Variants in KICS2 observed in about 807,000 individuals in gnomAD.
The protein encoded by KICS2 is KICSTOR subunit 2, also known as KICSTOR complex protein C12orf66.
In KICS2, 13 loss-of-function variants were observed where a neutral mutation model predicts 31.4. The observed-to-expected ratio is 0.41, with a 90% CI of 0.27 to 0.66. The LOEUF (loss-of-function observed/expected upper bound fraction) is 0.66, where lower values mean the gene tolerates loss of function less well. Ranked by LOEUF, KICS2 falls within the 30% of genes least tolerant of loss-of-function variation. The pLI, the probability that KICS2 is intolerant of heterozygous loss-of-function variation, is 0.28. For missense variants in KICS2, 455 were observed against 545.4 expected, an observed-to-expected ratio of 0.83 and a Z score of 1.65; for synonymous variants, 209 against 214.8, an observed-to-expected ratio of 0.97 and a Z score of 0.24.
At chr12:64,190,670 G>C (rs1482181797), downstream of KICS2, among the ~76,000 whole-genome samples, 1 of 151,794 alleles carries the variant, frequency 6.6e-6, no homozygotes, top group Non-Finnish European at 1.5e-5. Context: ...GGACTGTTGA[G>C]CCTAGGAGTT....
In KICS2 at chr12:64,194,427, A is replaced by T; in HGVS notation, c.753T>A (p.Pro251=). 6.2e-7 allele frequency: 1 copy of T among 1,614,198 alleles called. No homozygotes were observed. The highest frequency in any genetic ancestry group is 8.5e-7 in the Non-Finnish European group (1 of 1,180,032). ...TCATCAGCCAAAGGAAAAGGTGTGG[A>T]GGCTGCACGGCCTTCTGAGACTGCC... ...FGGQSQKAVQ[P]PHLFLWLMKL... Residue 251 remains proline (P), a synonymous_variant, in exon 3 of 3, where the codon CCT becomes CCA. Transcript: ENST00000398055.
intron 2 of KICS2, among the ~76,000 whole-genome samples, chr12:64,194,942 T>TA (rs1030771334): frequency 6.6e-6 from 1 of 151,914 alleles, no homozygotes; most frequent in African/African-American, 2.4e-5. Context: ...ATTCATTTTT[T>TA]TTTTTTTATT....
intron 2 of KICS2, among the ~76,000 whole-genome samples, chr12:64,196,262 C>A (rs1172476807): frequency 6.8e-6 from 1 of 146,560 alleles, no homozygotes. Context: ...TGAGAACCGG[C>A]AGACTGCCTC....
At chr12:64,187,621 G>C, downstream of KICS2, 1 of 1,535,484 alleles carries the variant, frequency 6.5e-7, no homozygotes, top group Non-Finnish European at 8.7e-7. Context: ...TCAGGCAAAA[G>C]GCCACGAAAT....
At chr12:64,216,012 T>A (rs777344394) in intron 1 of KICS2, 49 bp from the exon 2 acceptor site, 2 of 1,512,238 alleles carry the variant, frequency 1.3e-6, no homozygotes, top group South Asian at 2.5e-5. Context: ...GGAGAAACCG[T>A]AAGTACCAAA....
intron 2 of KICS2, among the ~76,000 whole-genome samples, chr12:64,195,877 A>G (rs1442431856): frequency 6.6e-6 from 1 of 152,254 alleles, no homozygotes; most frequent in African/African-American, 2.4e-5. Flanking sequence ...CCACCCGAAT[A>G]CTGCGCTTTT....
downstream of KICS2, chr12:64,191,022 T>C (rs974466223): frequency 6.6e-6 from 1 of 152,214 alleles, no homozygotes; most frequent in Admixed American, 6.5e-5. Flanking sequence ...CAGTTACCCA[T>C]AAAAACTTAT....
At chr12:64,202,411 A>G (rs1410431367) in intron 2 of KICS2, among the ~76,000 whole-genome samples, 1 of 152,032 alleles carries the variant, frequency 6.6e-6, no homozygotes, top group Non-Finnish European at 1.5e-5. Context: ...AAAAAAAAAA[A>G]GTTTTTGACT....
Position 64,193,252 on chromosome 12 carries a change from G to A in KICS2, c.*590C>T, listed in dbSNP as rs368954919. The A allele has an allele frequency of 3.7e-4, 362 of 985,730 alleles. No individual in the cohort carries two copies. The highest frequency in any genetic ancestry group is 1.6e-3 in the Middle Eastern group (3 of 1,914). The allele number at this position is 985,730 out of a possible 1,614,324, so 61.1% of individuals were successfully genotyped here. A position where few individuals can be genotyped will look rare whatever the true frequency, so the allele number is the denominator to read the frequency against. On this transcript the variant is annotated 3_prime_UTR_variant, in exon 3 of 3. Coordinates refer to ENST00000398055, the MANE Select transcript of KICS2 (RefSeq NM_152440.5). ...ATCTTCTGAACTGTTAAAACCTTAC[G>A]TCATGCTACCAATCTGACTCACTTT...
chr12:64,216,000 A>C lies in KICS2; in HGVS notation c.236-37T>G, dbSNP rs200741100. 1.5e-5 allele frequency: 24 copies of C among 1,567,118 alleles called. No homozygotes were observed. In the Admixed American group the frequency reaches 4.2e-4, roughly 27 times the overall value. ...ACAACATAAGCACATGACAAGTAAG[A>C]AGGAGAAACCGTAAGTACCAAACAC... On this transcript the variant is annotated intron_variant, in intron 1 of 2. Coordinates refer to ENST00000398055, the MANE Select transcript of KICS2 (RefSeq NM_152440.5).
chr12:64,217,930 A>C (rs2037645322), intron 1 of KICS2, among the ~76,000 whole-genome samples: 1 of 152,120 alleles, frequency 6.6e-6, no homozygotes, highest in African/African-American at 2.4e-5. Context: ...GGAAGGAAGG[A>C]AGAAAGAAAG....
chr12:64,194,649 G>A lies in KICS2; in HGVS notation c.531C>T (p.His177=). ...TGCTTTCCAAAGGACTGAGGATTGGGTGGTGAAATCTAAAGGGGAGAGGGA... is the reference window on the plus strand; with the variant it reads ...TGCTTTCCAAAGGACTGAGGATTGGATGGTGAAATCTAAAGGGGAGAGGGA... ...IMKKYSSRFH[H]PILSPLESSF... Residue 177 remains histidine (H), a synonymous_variant, in exon 3 of 3, where the codon CAC becomes CAT. Transcript: ENST00000398055. 5.0e-6 allele frequency: 8 copies of A among 1,608,198 alleles called. No homozygotes were observed. The highest frequency in any genetic ancestry group is 6.8e-6 in the Non-Finnish European group (8 of 1,175,830).
chr12:64,191,959 T>C lies in KICS2; in HGVS notation c.*1883A>G, dbSNP rs560791432. The C allele has an allele frequency of 2.1e-5, 3 of 145,060 alleles. No individual in the cohort carries two copies. The highest frequency in any genetic ancestry group is 4.5e-5 in the Non-Finnish European group (3 of 67,376). 9.0% of individuals were successfully genotyped at this position (145,060 alleles called of 1,614,324 possible). A position where few individuals can be genotyped will look rare whatever the true frequency, so the allele number is the denominator to read the frequency against. Reference sequence around the variant, plus strand: ...TACTCGGGATGCTGATGTGGGAGGATCACTTGAGCCCAGGAGGTTGAGGCT... The same window carrying C: ...TACTCGGGATGCTGATGTGGGAGGACCACTTGAGCCCAGGAGGTTGAGGCT... On this transcript the variant is annotated 3_prime_UTR_variant, in exon 3 of 3. Coordinates refer to ENST00000398055, the MANE Select transcript of KICS2 (RefSeq NM_152440.5).
In KICS2 at chr12:64,222,112, C is replaced by T. The variant is rs2037689715; in HGVS notation, c.126G>A (p.Glu42=). The T allele has an allele frequency of 1.2e-6, 2 of 1,613,946 alleles. No individual in the cohort carries two copies. The highest frequency in any genetic ancestry group is 3.3e-5 in the Admixed American group (2 of 60,002). Residue 42 remains glutamate, a synonymous_variant, in exon 1 of 3, where the codon GAG becomes GAA. Transcript: ENST00000398055. The part of the protein sequence containing the change: ...KAKDNVEKER[E]ANKSAGGSWL... ...AGCTGCCCCCCGCGCTCTTGTTGGC[C>T]TCTCGTTCCTTCTCCACATTGTCCT...
chr12:64,217,911 A>C (rs1303903364), intron 1 of KICS2, among the ~76,000 whole-genome samples: 1 of 152,104 alleles, frequency 6.6e-6, no homozygotes, highest in African/African-American at 2.4e-5. Context: ...AAAGAAAAGA[A>C]GAAAGGAAGG....
At chr12:64,217,831 G>GA (rs1403449101) in intron 1 of KICS2, among the ~76,000 whole-genome samples, 1 of 136,564 alleles carries the variant, frequency 7.3e-6, no homozygotes, top group Non-Finnish European at 1.6e-5. Flanking sequence ...GAAAAGAAAA[G>GA]AAAGAAGGAA....
chr12:64,207,948 T>G (rs2037554256), intron 2 of KICS2, among the ~76,000 whole-genome samples: 1 of 152,188 alleles, frequency 6.6e-6, no homozygotes, highest in South Asian at 2.1e-4. Context: ...AGTATTAGAC[T>G]ATGGGGCTGT....
Position 64,193,881 on chromosome 12 carries a change from G to A in KICS2, c.1299C>T (p.Pro433=), listed in dbSNP as rs2037405197. 18 of 1,613,960 alleles carry A rather than the reference G, an allele frequency of 1.1e-5. No individual in the cohort carries two copies. The highest frequency in any genetic ancestry group is 1.4e-5 in the Non-Finnish European group (17 of 1,180,014). ...CAGGTTTCAGACTTGCAAACACTTT[G>A]GGGTTCTTAAGGGCAAGTGAGACCT... ...LNEVSLALKN[P]KVFASLKPGA... Residue 433 remains proline, a synonymous_variant, in exon 3 of 3, where the codon CCC becomes CCT. Transcript: ENST00000398055.
At chr12:64,187,635 T>C (rs1455267682), downstream of KICS2, 1 of 1,535,954 alleles carries the variant, frequency 6.5e-7, no homozygotes, top group South Asian at 1.2e-5. Flanking sequence ...ACGAAATAAT[T>C]GCATTGGTAA....
Sources: gnomAD v4.1 joint callset for allele counts (sites outside exome capture counted in the v4.1 genomes callset) on GRCh38, gnomAD v4.1.1 for gene constraint, MANE v1.5 for transcripts, NCBI Gene and HGNC (gene_info 2026-07-23, HGNC 2026-07-21) for gene names.